Variants in WHR1 observed in about 807,000 individuals in gnomAD.
WHR1 encodes the protein winged helix repair factor 1, also known as MHC class III HLA-RP1.
chr6:31,980,452 C>T, the WHR1 span: 1 of 1,612,094 alleles, frequency 6.2e-7, no homozygotes, highest in Non-Finnish European at 8.5e-7. Flanking sequence ...TGCCCTCAGG[C>T]ATCTGGTGAA....
At chr6:31,972,764 G>A in the WHR1 span, 5 of 1,610,544 alleles carry the variant, frequency 3.1e-6, no homozygotes, top group Non-Finnish European at 4.2e-6. The surrounding 1 kb of genome is among the most constrained non-coding windows in gnomAD (Gnocchi z 6.3). Context: ...GCTGGTGAGG[G>A]GCGTCGGTGC....
chr6:31,974,280 A>T, the WHR1 span, among the ~76,000 whole-genome samples: 1 of 18,478 alleles, frequency 5.4e-5, no homozygotes, highest in African/African-American at 2.2e-4. Flanking sequence ...ACTTTGTCTC[A>T]AAAAAAAAAA....
chr6:31,974,279 C>A, the WHR1 span, among the ~76,000 whole-genome samples: 526 of 118,222 alleles, frequency 4.4e-3, no homozygotes, highest in Non-Finnish European at 4.8e-3. Context: ...GACTTTGTCT[C>A]AAAAAAAAAA....
chr6:31,979,578 G>A, the WHR1 span: 74 of 1,610,768 alleles, frequency 4.6e-5, no homozygotes, highest in Non-Finnish European at 2.8e-5. Flanking sequence ...ACCAACCAAA[G>A]TCAGGCATCT....
chr6:31,976,862 C>T, the WHR1 span, among the ~76,000 whole-genome samples: 2 of 152,218 alleles, frequency 1.3e-5, no homozygotes, highest in Admixed American at 6.5e-5. Context: ...GCCAACACAG[C>T]GAAACCCCGT....
chr6:31,972,057 C>G, the WHR1 span: 1 of 1,612,436 alleles, frequency 6.2e-7, no homozygotes, highest in Non-Finnish European at 8.5e-7. This position sits in a 1 kb window ranked among gnomAD's most constrained non-coding sequence, Gnocchi z 6.3. Context: ...GCGGGCAAAC[C>G]CCTCCCGGGG....
chr6:31,971,388 G>C, the WHR1 span: 1 of 1,584,676 alleles, frequency 6.3e-7, no homozygotes, highest in Non-Finnish European at 8.6e-7. This position sits in a 1 kb window ranked among gnomAD's most constrained non-coding sequence, Gnocchi z 4.5. Context: ...GGACCTCCTC[G>C]TCCCGGGGCT....
chr6:31,979,081 CAAAA>C, the WHR1 span: 25 of 1,447,542 alleles, frequency 1.7e-5, no homozygotes, highest in Non-Finnish European at 2.3e-5. Flanking sequence ...GAAATAAAAA[CAAAA>C]GAAAGAATTT....
the WHR1 span, among the ~76,000 whole-genome samples, chr6:31,977,977 G>A: frequency 2.0e-5 from 3 of 151,664 alleles, no homozygotes; most frequent in African/African-American, 4.9e-5. Flanking sequence ...TAGTAGAGAC[G>A]GGGTTTTACC....
chr6:31,972,581 C>G, the WHR1 span: 2 of 1,593,894 alleles, frequency 1.3e-6, no homozygotes, highest in Non-Finnish European at 1.7e-6. This position sits in a 1 kb window ranked among gnomAD's most constrained non-coding sequence, Gnocchi z 6.3. Context: ...ACCGCGTCCC[C>G]GCCCCAGTTC....
the WHR1 span, chr6:31,973,319 A>C: frequency 4.0e-6 from 1 of 250,996 alleles, no homozygotes; most frequent in Admixed American, 4.9e-5. Flanking sequence ...ACTACAGATA[A>C]TGTGTTTAAT....
the WHR1 span, among the ~76,000 whole-genome samples, chr6:31,974,849 A>C: frequency 6.6e-6 from 1 of 152,236 alleles, no homozygotes; most frequent in Non-Finnish European, 1.5e-5. Flanking sequence ...CTTTCAAGAA[A>C]AGAGGAAAGA....
At chr6:31,971,794 C>G in the WHR1 span, 1 of 1,326,740 alleles carries the variant, frequency 7.5e-7, no homozygotes, top group Non-Finnish European at 1.0e-6. The surrounding 1 kb of genome is among the most constrained non-coding windows in gnomAD (Gnocchi z 4.5). Flanking sequence ...TTGAAACATT[C>G]AGGCCCCTCA....
chr6:31,979,838 C>T, the WHR1 span: 1 of 352,404 alleles, frequency 2.8e-6, no homozygotes, highest in Admixed American at 4.0e-5. Context: ...TGATGTTAAT[C>T]ATACTGGGAC....
chr6:31,972,922 A>C, the WHR1 span: 1 of 1,136,444 alleles, frequency 8.8e-7, no homozygotes, highest in East Asian at 2.6e-5. This position sits in a 1 kb window ranked among gnomAD's most constrained non-coding sequence, Gnocchi z 6.3. Context: ...TCCCGCAGGT[A>C]GTACAGGGCA....
the WHR1 span, chr6:31,978,801 C>A: frequency 9.8e-7 from 1 of 1,015,414 alleles, no homozygotes; most frequent in Non-Finnish European, 1.4e-6. Context: ...AGAAAATGCC[C>A]CCATATTGGC....
the WHR1 span, chr6:31,971,262 C>T: frequency 3.2e-6 from 5 of 1,540,676 alleles, no homozygotes; most frequent in Admixed American, 9.7e-5. This position sits in a 1 kb window ranked among gnomAD's most constrained non-coding sequence, Gnocchi z 4.5. Context: ...TTTGGCTCTC[C>T]TAATTTTAGA....
At chr6:31,979,674 A>T in the WHR1 span, 2 of 1,373,872 alleles carry the variant, frequency 1.5e-6, no homozygotes, top group Admixed American at 2.2e-5. Context: ...CAAAAAGCTG[A>T]CTCTTCTTGT....
At chr6:31,976,488 CG>C in the WHR1 span, among the ~76,000 whole-genome samples, 1 of 151,454 alleles carries the variant, frequency 6.6e-6, no homozygotes, top group Non-Finnish European at 1.5e-5. Context: ...AGACGATGAG[CG>C]GCCGGGCAGA....
Sources: gnomAD v4.1 joint callset for allele counts (sites outside exome capture counted in the v4.1 genomes callset) on GRCh38, gnomAD v4.1.1 for gene constraint, Gnocchi (gnomAD v3.1) non-coding constraint, MANE v1.5 for transcripts, NCBI Gene and HGNC (gene_info 2026-07-23, HGNC 2026-07-21) for gene names.